The following DENND4A variants were observed in gnomAD, a reference collection of about 807,000 sequenced individuals.
DENND4A encodes DENN domain containing 4A.
In DENND4A, 70 loss-of-function variants were observed where a neutral mutation model predicts 199.3. The ratio of observed to expected loss-of-function variants is 0.35; its 90% confidence interval spans 0.29 to 0.43. The LOEUF (loss-of-function observed/expected upper bound fraction) is 0.43. Among genes scored for constraint, DENND4A ranks in the 20% least tolerant of loss-of-function variants. The probability of loss-of-function intolerance (pLI) is 1.00; values close to 1 mark genes in which losing one functional copy is unlikely to be tolerated. For missense variants in DENND4A, 1,723 were observed against 2,255.8 expected (o/e 0.76, Z 4.78); for synonymous variants, 686 against 766.9 (o/e 0.89, Z 1.74).
chr15:65,701,266 G>C, intron 18 of DENND4A, 74 bp from the exon 19 acceptor site: 1 of 1,272,358 alleles, frequency 7.9e-7, no homozygotes, highest in Non-Finnish European at 1.0e-6. Context: ...TCAGAATTAA[G>C]CTAAAGAATA....
At chr15:65,781,786 G>A (rs1596699690) in intron 1 of DENND4A, among the ~76,000 whole-genome samples, 1 of 152,284 alleles carries the variant, frequency 6.6e-6, no homozygotes, top group South Asian at 2.1e-4. Flanking sequence ...GTAGATACAT[G>A]GTAACTGAAA....
At chr15:65,762,841 G>A (rs561076473) in intron 1 of DENND4A, among the ~76,000 whole-genome samples, 12 of 152,180 alleles carry the variant, frequency 7.9e-5, no homozygotes, top group African/African-American at 2.2e-4. Context: ...GGTATCCATC[G>A]GGTGGAGGTT....
At chr15:65,770,418 C>A (rs530488836) in intron 1 of DENND4A, among the ~76,000 whole-genome samples, 1 of 152,028 alleles carries the variant, frequency 6.6e-6, no homozygotes, top group African/African-American at 2.4e-5. Flanking sequence ...CTGTTGAAGA[C>A]CCTTTTAGTT....
intron 23 of DENND4A, among the ~76,000 whole-genome samples, chr15:65,684,481 T>C (rs2076686498): frequency 1.3e-5 from 2 of 152,244 alleles, no homozygotes; most frequent in Non-Finnish European, 2.9e-5. Context: ...ATGTTGAACA[T>C]GTTTCATGTG....
chr15:65,699,545 T>A, intron 20 of DENND4A, among the ~76,000 whole-genome samples: 1 of 150,748 alleles, frequency 6.6e-6, no homozygotes, highest in South Asian at 2.1e-4. Context: ...TATATAAACA[T>A]ACACATAAGA....
chr15:65,706,489 CACACACAT>C (rs768747463), intron 14 of DENND4A, among the ~76,000 whole-genome samples: 6,867 of 92,706 alleles, frequency 0.074, 233 homozygotes, highest in Non-Finnish European at 0.082. Context: ...CACACACACA[CACACACAT>C]ATATATATAT....
chr15:65,735,103 C>T (rs765276845), intron 7 of DENND4A, among the ~76,000 whole-genome samples: 4 of 150,854 alleles, frequency 2.7e-5, no homozygotes, highest in African/African-American at 9.8e-5. Flanking sequence ...ACAGGCAAGG[C>T]GCGGCGGCTC....
chr15:65,780,361 G>A (rs1402680483), intron 1 of DENND4A, among the ~76,000 whole-genome samples: 2 of 152,204 alleles, frequency 1.3e-5, no homozygotes, highest in African/African-American at 2.4e-5. Flanking sequence ...TTAAAAGTAA[G>A]TAAAGGGCAT....
intron 11 of DENND4A, among the ~76,000 whole-genome samples, chr15:65,728,033 G>GA (rs146196000): frequency 0.011 from 1,627 of 151,608 alleles, 18 homozygotes; most frequent in African/African-American, 0.038. Flanking sequence ...TTTTGAGACA[G>GA]AGTCTCCCTC....
At chr15:65,772,695 A>C (rs1644713247) in intron 1 of DENND4A, among the ~76,000 whole-genome samples, 2 of 106,300 alleles carry the variant, frequency 1.9e-5, no homozygotes, top group South Asian at 7.2e-4. Context: ...CAACAAAATG[A>C]GACTCCGTCT....
intron 1 of DENND4A, among the ~76,000 whole-genome samples, chr15:65,763,771 C>T (rs1202794042): frequency 2.0e-5 from 3 of 151,230 alleles, no homozygotes; most frequent in African/African-American, 4.9e-5. Context: ...AATCTTATTA[C>T]CTTTTGAACT....
At chr15:65,682,118 C>T (rs2076598745) in intron 23 of DENND4A, among the ~76,000 whole-genome samples, 1 of 152,130 alleles carries the variant, frequency 6.6e-6, no homozygotes, top group African/African-American at 2.4e-5. Context: ...TTAACATCAC[C>T]AGCTACACTA....
chr15:65,674,996 T>C (rs2076330247), intron 24 of DENND4A, among the ~76,000 whole-genome samples: 1 of 152,194 alleles, frequency 6.6e-6, no homozygotes, highest in Admixed American at 6.5e-5. Context: ...CTATTCCTTA[T>C]ACTTTTGCAT....
intron 4 of DENND4A, 49 bp downstream of exon 4, chr15:65,752,330 T>A: frequency 1.1e-6 from 1 of 901,184 alleles, no homozygotes; most frequent in Non-Finnish European, 1.6e-6. Flanking sequence ...TTTAAAATTA[T>A]GCTCTTTTCA....
chr15:65,682,198 A>G (rs1445044631), intron 23 of DENND4A, among the ~76,000 whole-genome samples: 1 of 152,148 alleles, frequency 6.6e-6, no homozygotes, highest in Non-Finnish European at 1.5e-5. Context: ...CTCTCTCTCC[A>G]TCAAAGTCCT....
chr15:65,781,147 G>C (rs1259960070), intron 1 of DENND4A, among the ~76,000 whole-genome samples: 1 of 152,154 alleles, frequency 6.6e-6, no homozygotes, highest in African/African-American at 2.4e-5. Flanking sequence ...ATAAGCAATG[G>C]TCAACAATCC....
At chr15:65,785,601 A>G (rs575030610) in intron 1 of DENND4A, among the ~76,000 whole-genome samples, 18 of 152,008 alleles carry the variant, frequency 1.2e-4, no homozygotes, top group Non-Finnish European at 2.5e-4. Context: ...AAAATGTAGT[A>G]TACACTCACA....
chr15:65,711,260 G>A (rs564335866), intron 14 of DENND4A, among the ~76,000 whole-genome samples: 5 of 152,114 alleles, frequency 3.3e-5, no homozygotes, highest in African/African-American at 1.2e-4. Context: ...CCAGCACTTC[G>A]GAAGACTACT....
chr15:65,748,244 T>C (rs943922497), intron 4 of DENND4A, among the ~76,000 whole-genome samples: 2 of 151,664 alleles, frequency 1.3e-5, no homozygotes, highest in African/African-American at 2.4e-5. Context: ...CATCAAGAAA[T>C]TAGCTTTTGA....
Sources: allele counts gnomAD v4.1 joint callset (sites outside exome capture counted in the v4.1 genomes callset), GRCh38; gene constraint gnomAD v4.1.1; transcripts MANE v1.5; gene names NCBI Gene and HGNC (gene_info 2026-07-23, HGNC 2026-07-21).